The following AKAP6 variants were observed in gnomAD, a reference collection of about 807,000 sequenced individuals.
AKAP6 encodes A-kinase anchor protein 6.
Under a neutral mutation model 188.5 loss-of-function variants are expected in AKAP6, and 58 were observed. The ratio of observed to expected loss-of-function variants is 0.31; its 90% confidence interval spans 0.25 to 0.38. The LOEUF (loss-of-function observed/expected upper bound fraction) is 0.38, where lower values mean the gene tolerates loss of function less well. Among genes scored for constraint, AKAP6 ranks in the 10% least tolerant of loss-of-function variants. The pLI, the probability that AKAP6 is intolerant of heterozygous loss-of-function variation, is 1.00. For synonymous variants in AKAP6, 989 were observed against 998.6 expected (o/e 0.99, Z 0.18); for missense variants, 2,710 against 2,740.0 (o/e 0.99, Z 0.24).
intron 11 of AKAP6, among the ~76,000 whole-genome samples, chr14:32,768,563 T>A (rs910002148): frequency 1.2e-4 from 18 of 152,178 alleles, no homozygotes; most frequent in Admixed American, 7.9e-4. Context: ...TTCTTTTCAG[T>A]CATTTGATAA....
In AKAP6 at chr14:32,470,286, G is replaced by A. The variant is rs1878700947; in HGVS notation, c.324+36469G>A. ...AACAAGATCCCCAGGTGATTCAGAT[G>A]CACATTAAGATTTGAGAAGCAATGT... On this transcript the variant is annotated intron_variant, in intron 2 of 13. Coordinates refer to ENST00000280979, the MANE Select transcript of AKAP6 (RefSeq NM_004274.5). Among the ~76,000 whole-genome samples the A allele has an allele frequency of 2.0e-5, 3 of 152,138 alleles. No homozygotes were observed. In the South Asian group the frequency reaches 6.2e-4, roughly 32 times the overall value.
chr14:32,478,062 T>C (rs1879160671), intron 2 of AKAP6, among the ~76,000 whole-genome samples: 1 of 152,210 alleles, frequency 6.6e-6, no homozygotes, highest in African/African-American at 2.4e-5. Context: ...CCCTAGTGAA[T>C]CTTTCACATA....
intron 3 of AKAP6, among the ~76,000 whole-genome samples, chr14:32,544,140 C>A (rs1883081832): frequency 6.6e-6 from 1 of 152,168 alleles, no homozygotes; most frequent in Non-Finnish European, 1.5e-5. Flanking sequence ...CAGGGTCCAG[C>A]AGCCACATGG....
At chr14:32,661,547 T>C (rs1026507437) in intron 7 of AKAP6, among the ~76,000 whole-genome samples, 1 of 152,090 alleles carries the variant, frequency 6.6e-6, no homozygotes, top group Non-Finnish European at 1.5e-5. Flanking sequence ...GACAAGTACA[T>C]TGGGCCTTGC....
At chr14:32,757,394 A>G (rs1336891854) in intron 11 of AKAP6, among the ~76,000 whole-genome samples, 1 of 152,140 alleles carries the variant, frequency 6.6e-6, no homozygotes, top group East Asian at 1.9e-4. Flanking sequence ...GGTGGGGAAG[A>G]GGGAGGAGGT....
chr14:32,658,481 G>A (rs915911402), intron 7 of AKAP6, among the ~76,000 whole-genome samples: 1 of 151,974 alleles, frequency 6.6e-6, no homozygotes, highest in South Asian at 2.1e-4. Flanking sequence ...AGTTTTTTGT[G>A]ATGCATGAAG....
chr14:32,535,861 T>C, intron 3 of AKAP6, 56 bp downstream of exon 3: 1 of 1,559,610 alleles, frequency 6.4e-7, no homozygotes, highest in Non-Finnish European at 8.7e-7. Flanking sequence ...CAATTGAGAA[T>C]GTTTTCAGTT....
rs1890292846 is a variant in AKAP6 at position 32,694,101 on chromosome 14, C to G, written c.2880-1889C>G. ...ATGGGGCCAGGCGCGGTGGCTCATG[C>G]CTGTAATCCCAGCACTTTGGGAGGC... is the stretch of plus-strand genomic sequence containing the variant. On this transcript the variant is annotated intron_variant, in intron 8 of 13. Transcript: ENST00000280979. Among the ~76,000 whole-genome samples the G allele has an allele frequency of 4.0e-5, 6 of 151,864 alleles. No homozygotes were observed. The South Asian group carries it at 1.3e-3, about 32-fold the overall frequency.
At chr14:32,467,739 A>G (rs1404607517) in intron 2 of AKAP6, among the ~76,000 whole-genome samples, 1 of 152,056 alleles carries the variant, frequency 6.6e-6, no homozygotes, top group Non-Finnish European at 1.5e-5. Flanking sequence ...AGAGGTCAGA[A>G]TCCCAAGAAG....
intron 5 of AKAP6, among the ~76,000 whole-genome samples, chr14:32,592,364 G>A (rs1322371119): frequency 6.6e-6 from 1 of 152,182 alleles, no homozygotes; most frequent in East Asian, 1.9e-4. Flanking sequence ...GGGTGCCAAG[G>A]GTGGGGAAAC....
At chr14:32,620,256 A>C (rs1886760076) in intron 7 of AKAP6, among the ~76,000 whole-genome samples, 1 of 151,978 alleles carries the variant, frequency 6.6e-6, no homozygotes, top group African/African-American at 2.4e-5. Flanking sequence ...TCCCAGGGGG[A>C]ATGTTTTCAA....
At chr14:32,705,335 G>T (rs1283594878) in intron 9 of AKAP6, among the ~76,000 whole-genome samples, 1 of 152,122 alleles carries the variant, frequency 6.6e-6, no homozygotes, top group African/African-American at 2.4e-5. Flanking sequence ...AGCTAAAATA[G>T]AAAGGCATTG....
At chr14:32,558,523 T>A (rs1183042627) in intron 4 of AKAP6, among the ~76,000 whole-genome samples, 3 of 152,174 alleles carry the variant, frequency 2.0e-5, no homozygotes, top group African/African-American at 7.2e-5. Flanking sequence ...TGAGGAGGCA[T>A]AATGTTAGTG....
At chr14:32,780,157 C>CATATACATATATATATATAT (rs2033199101) in intron 12 of AKAP6, among the ~76,000 whole-genome samples, 1 of 119,346 alleles carries the variant, frequency 8.4e-6, no homozygotes, top group Non-Finnish European at 1.8e-5. Flanking sequence ...AAAAAAAAAA[C>CATATACATATATATATATAT]ATATATATAT....
chr14:32,387,720 T>C (rs1888579039), intron 1 of AKAP6, among the ~76,000 whole-genome samples: 1 of 151,616 alleles, frequency 6.6e-6, no homozygotes, highest in Non-Finnish European at 1.5e-5. Context: ...ATTTTCTTTT[T>C]GAGATGTTGT....
chr14:32,697,857 C>A (rs949625356), intron 9 of AKAP6, among the ~76,000 whole-genome samples: 2 of 152,074 alleles, frequency 1.3e-5, no homozygotes, highest in East Asian at 3.9e-4. Context: ...CCCATTCTGG[C>A]ATATTGAAGG....
rs1491351629 is a variant in AKAP6 at position 32,404,712 on chromosome 14, T to TATATATATATATATATATATATATATA, written c.-34-28747_-34-28746insTATATATATATATATATATATATATAA. Among the ~76,000 whole-genome samples, 77 of 10,504 alleles carry TATATATATATATATATATATATATATA rather than the reference T, an allele frequency of 7.3e-3. 2 individuals are homozygous for TATATATATATATATATATATATATATA. Among genetic ancestry groups the TATATATATATATATATATATATATATA allele is most frequent in the Non-Finnish European group, 0.017 (64 of 3,832 alleles). 6.9% of individuals were successfully genotyped at this position (10,504 alleles called of 152,430 possible). A position where few individuals can be genotyped will look rare whatever the true frequency, so the allele number is the denominator to read the frequency against. On this transcript the variant is annotated intron_variant, in intron 1 of 13. Transcript: ENST00000280979. ...AGGAGATATATATATATATATATAT[T>TATATATATATATATATATATATATATA]AGTCAGAATGTCAGCAGGAAATAGT...
chr14:32,471,690 GCA>G lies in AKAP6; in HGVS notation c.324+37876_324+37877del, dbSNP rs558260424. 2.3e-3 allele frequency among the ~76,000 whole-genome samples: 344 copies of G among 152,270 alleles called. 3 individuals are homozygous for G. Among genetic ancestry groups the G allele is most frequent in the African/African-American group, 7.4e-3 (306 of 41,548 alleles). On this transcript the variant is annotated intron_variant, in intron 2 of 13. Coordinates refer to ENST00000280979, the MANE Select transcript of AKAP6 (RefSeq NM_004274.5). ...CAGGGCTATAGCTAATATCTTCATT[GCA>G]CAGTTATTGTTCATTGAGACATGTA... is the stretch of plus-strand genomic sequence containing the variant.
intron 7 of AKAP6, among the ~76,000 whole-genome samples, chr14:32,636,146 T>C (rs1887477407): frequency 6.6e-6 from 1 of 152,108 alleles, no homozygotes; most frequent in African/African-American, 2.4e-5. Flanking sequence ...ATCTATACCT[T>C]TAAAAATAAC....
Sources: allele counts gnomAD v4.1 joint callset (sites outside exome capture counted in the v4.1 genomes callset), GRCh38; gene constraint gnomAD v4.1.1; transcripts MANE v1.5; gene names NCBI Gene and HGNC (gene_info 2026-07-23, HGNC 2026-07-21).